The following GRAMD1B variants were observed in gnomAD, a reference collection of about 807,000 sequenced individuals.
GRAMD1B encodes GRAM domain containing 1B.
A neutral mutation model predicts 99.7 loss-of-function variants in GRAMD1B; 37 were observed. That is an observed-to-expected ratio of 0.37 (90% CI 0.29 to 0.49). The LOEUF (loss-of-function observed/expected upper bound fraction) is 0.49. Ranked by LOEUF, GRAMD1B falls within the 20% of genes least tolerant of loss-of-function variation. The pLI, the probability that GRAMD1B is intolerant of heterozygous loss-of-function variation, is 0.98. For synonymous variants in GRAMD1B, 427 were observed against 387.6 expected, an observed-to-expected ratio of 1.10 and a Z score of -1.19; for missense variants, 888 against 1,009.2, an observed-to-expected ratio of 0.88 and a Z score of 1.63.
intron 1 of GRAMD1B, among the ~76,000 whole-genome samples, chr11:123,360,831 C>CCTTG (rs1946122274): frequency 8.7e-6 from 1 of 114,954 alleles, no homozygotes; most frequent in Non-Finnish European, 1.7e-5. Flanking sequence ...TTCCTTCCTT[C>CCTTG]CTTCCATGGA....
At chr11:123,437,900 CG>C (rs898257889) in intron 1 of GRAMD1B, among the ~76,000 whole-genome samples, 3 of 152,212 alleles carry the variant, frequency 2.0e-5, no homozygotes, top group Admixed American at 2.0e-4. Flanking sequence ...CCTCAGCCCC[CG>C]TCACTATTGG....
At chr11:123,534,877 A>AT (rs1565341407) in intron 2 of GRAMD1B, among the ~76,000 whole-genome samples, 2 of 152,044 alleles carry the variant, frequency 1.3e-5, no homozygotes, top group African/African-American at 4.8e-5. Flanking sequence ...AGAAAAAAAA[A>AT]AATAATGAGG....
At chr11:123,543,420 G>A (rs1210754698) in intron 2 of GRAMD1B, among the ~76,000 whole-genome samples, 3 of 152,226 alleles carry the variant, frequency 2.0e-5, no homozygotes, top group African/African-American at 7.2e-5. Context: ...ATGGACATTT[G>A]CTATGAAGGA....
intron 1 of GRAMD1B, among the ~76,000 whole-genome samples, chr11:123,463,828 G>T (rs751580706): frequency 2.0e-5 from 3 of 152,244 alleles, no homozygotes; most frequent in Non-Finnish European, 4.4e-5. Flanking sequence ...GTGCATGGGA[G>T]ATTTGGGGAG....
chr11:123,407,563 G>A (rs1390127589), intron 1 of GRAMD1B, among the ~76,000 whole-genome samples: 1 of 152,130 alleles, frequency 6.6e-6, no homozygotes, highest in Non-Finnish European at 1.5e-5. Context: ...GCCACCAGAG[G>A]GCATTAGGAA....
chr11:123,424,272 A>T (rs1456914516), intron 1 of GRAMD1B, among the ~76,000 whole-genome samples: 1 of 150,232 alleles, frequency 6.7e-6, no homozygotes, highest in Non-Finnish European at 1.5e-5. Context: ...AAAAAAAAAG[A>T]AAAAAGAAAA....
chr11:123,367,867 CA>C (rs1946374132), intron 1 of GRAMD1B, among the ~76,000 whole-genome samples: 1 of 151,818 alleles, frequency 6.6e-6, no homozygotes, highest in Non-Finnish European at 1.5e-5. Flanking sequence ...TGGACTCTGG[CA>C]AGAAAGATTG....
chr11:123,403,095 C>T (rs952937296), intron 1 of GRAMD1B, among the ~76,000 whole-genome samples: 5 of 152,068 alleles, frequency 3.3e-5, no homozygotes, highest in African/African-American at 1.2e-4. Flanking sequence ...AGACTCTTTC[C>T]TCCCCAAAGG....
chr11:123,581,120 T>A (rs2136286431), intron 3 of GRAMD1B, among the ~76,000 whole-genome samples: 1 of 152,256 alleles, frequency 6.6e-6, no homozygotes, highest in South Asian at 2.1e-4. Flanking sequence ...CACCTCCCAG[T>A]AACCTGGGTC....
chr11:123,377,764 T>A (rs1399982601), intron 1 of GRAMD1B, among the ~76,000 whole-genome samples: 1 of 152,206 alleles, frequency 6.6e-6, no homozygotes, highest in Non-Finnish European at 1.5e-5. Flanking sequence ...TTGTTATTCT[T>A]CCAATGGAAG....
At chr11:123,523,067 C>T (rs561007811) in intron 2 of GRAMD1B, among the ~76,000 whole-genome samples, 17 of 152,320 alleles carry the variant, frequency 1.1e-4, no homozygotes, top group African/African-American at 2.6e-4. Context: ...CGCGGTGGCT[C>T]ATGCCTGTAA....
chr11:123,542,095 A>G (rs1466830838), intron 2 of GRAMD1B, among the ~76,000 whole-genome samples: 2 of 152,212 alleles, frequency 1.3e-5, no homozygotes, highest in African/African-American at 4.8e-5. Flanking sequence ...TATGCCAGCT[A>G]TGTATTTCCT....
intron 1 of GRAMD1B, among the ~76,000 whole-genome samples, chr11:123,468,918 T>C (rs1950847469): frequency 2.0e-5 from 3 of 151,798 alleles, no homozygotes; most frequent in Non-Finnish European, 4.4e-5. Flanking sequence ...TGTCTACTCA[T>C]CTCTCCAAGT....
intron 1 of GRAMD1B, among the ~76,000 whole-genome samples, chr11:123,470,997 T>A: frequency 6.6e-6 from 1 of 152,228 alleles, no homozygotes; most frequent in East Asian, 1.9e-4. Flanking sequence ...ACTGCATTTT[T>A]AATTAATTTA....
chr11:123,580,876 T>C (rs962168804), intron 3 of GRAMD1B, among the ~76,000 whole-genome samples: 2 of 149,554 alleles, frequency 1.3e-5, no homozygotes, highest in Non-Finnish European at 3.0e-5. Flanking sequence ...GCTGGCGCTG[T>C]GGCACTGACC....
At chr11:123,473,962 G>A (rs1306826450) in intron 1 of GRAMD1B, among the ~76,000 whole-genome samples, 1 of 152,168 alleles carries the variant, frequency 6.6e-6, no homozygotes, top group Non-Finnish European at 1.5e-5. Context: ...TACTTAAGCT[G>A]AAATAGTAAA....
At chr11:123,365,634 C>T (rs114791446) in intron 1 of GRAMD1B, among the ~76,000 whole-genome samples, 1,670 of 152,280 alleles carry the variant, frequency 0.011, 30 homozygotes, top group African/African-American at 0.039. Context: ...AGGTAGGGGT[C>T]TACAAGCATC....
chr11:123,404,916 G>A (rs998815054), intron 1 of GRAMD1B, among the ~76,000 whole-genome samples: 4 of 152,168 alleles, frequency 2.6e-5, no homozygotes, highest in Non-Finnish European at 5.9e-5. Context: ...GGTTGCTGTA[G>A]GGAGGTTTTC....
chr11:123,423,904 A>C (rs1001759844), intron 1 of GRAMD1B, among the ~76,000 whole-genome samples: 6 of 152,046 alleles, frequency 3.9e-5, no homozygotes, highest in Non-Finnish European at 8.8e-5. Context: ...TGGGTGAAGC[A>C]CTCAGCACAG....
Sources: allele counts gnomAD v4.1 joint callset (sites outside exome capture counted in the v4.1 genomes callset), GRCh38; gene constraint gnomAD v4.1.1; transcripts MANE v1.5; gene names NCBI Gene and HGNC (gene_info 2026-07-23, HGNC 2026-07-21).